Variants in KCNIP1 observed in about 807,000 individuals in gnomAD.
KCNIP1 encodes the protein potassium voltage-gated channel interacting protein 1, also known as A-type potassium channel modulatory protein KCNIP1.
A neutral mutation model predicts 33.0 loss-of-function variants in KCNIP1; 18 were observed. The observed-to-expected ratio is 0.55, with a 90% CI of 0.38 to 0.81. The LOEUF is 0.81. KCNIP1 is among the 30% of genes least tolerant of loss of function. The pLI is 0.00. For missense variants in KCNIP1, 238 were observed against 271.6 expected (o/e 0.88, Z 0.87); for synonymous variants, 93 against 98.3 (o/e 0.95, Z 0.32).
chr5:170,459,560 A>C (rs545123692), intron 1 of KCNIP1, among the ~76,000 whole-genome samples: 4 of 152,306 alleles, frequency 2.6e-5, no homozygotes, highest in Admixed American at 2.6e-4. Context: ...ATGCAAATAC[A>C]TGGAAATTAA....
intron 1 of KCNIP1, among the ~76,000 whole-genome samples, chr5:170,700,530 T>A (rs1351928788): frequency 6.6e-6 from 1 of 152,080 alleles, no homozygotes; most frequent in African/African-American, 2.4e-5. Context: ...GATTGCCCCA[T>A]TGCACTCCAT....
In KCNIP1 at chr5:170,675,329, A is replaced by T. The variant is rs1360393379; in HGVS notation, c.62-43429A>T. On this transcript the variant is annotated intron_variant, in intron 1 of 7. Coordinates refer to ENST00000328939, the MANE Select transcript of KCNIP1 (RefSeq NM_014592.4). ...ATATATATATATAAATAAATAAATAAAAATAAATGGCCAGGTGCAGTAGTT... is the reference window on the plus strand; with the variant it reads ...ATATATATATATAAATAAATAAATATAAATAAATGGCCAGGTGCAGTAGTT... Among the ~76,000 whole-genome samples the T allele has an allele frequency of 7.9e-5, 12 of 151,832 alleles. No homozygotes were observed. In the East Asian group the frequency reaches 1.9e-3, roughly 24 times the overall value.
chr5:170,572,083 G>A (rs1306614065), intron 1 of KCNIP1, among the ~76,000 whole-genome samples: 2 of 152,108 alleles, frequency 1.3e-5, no homozygotes, highest in African/African-American at 2.4e-5. Context: ...GAATGGAGGT[G>A]CACCGAGCCT....
At chr5:170,601,095 A>G (rs1007687266) in intron 1 of KCNIP1, among the ~76,000 whole-genome samples, 5 of 152,244 alleles carry the variant, frequency 3.3e-5, no homozygotes, top group African/African-American at 9.6e-5. Context: ...GATTCTAAAG[A>G]TTACAAACAC....
chr5:170,395,387 T>G (rs1754732808), intron 1 of KCNIP1, among the ~76,000 whole-genome samples: 1 of 152,244 alleles, frequency 6.6e-6, no homozygotes, highest in Non-Finnish European at 1.5e-5. Flanking sequence ...CTAGAAAGGC[T>G]ATACAGTTTT....
intron 1 of KCNIP1, among the ~76,000 whole-genome samples, chr5:170,390,517 A>AAAAAAAATATATATATATATATAT: frequency 2.7e-5 from 2 of 74,546 alleles, no homozygotes; most frequent in African/African-American, 6.4e-5. Context: ...AAAAAAAACA[A>AAAAAAAATATATATATATATATAT]ATATATATAT....
chr5:170,702,017 A>G (rs1325493616), intron 1 of KCNIP1, among the ~76,000 whole-genome samples: 2 of 152,224 alleles, frequency 1.3e-5, no homozygotes, highest in African/African-American at 2.4e-5. Context: ...GAACTTATTC[A>G]TGTAACCAAA....
At chr5:170,589,794 T>TGCGGTGCG (rs1554103000) in intron 1 of KCNIP1, among the ~76,000 whole-genome samples, 13,579 of 113,168 alleles carry the variant, frequency 0.12, 912 homozygotes, top group South Asian at 0.18. Flanking sequence ...TGTGATGTGG[T>TGCGGTGCG]GTGCGGTGCG....
At chr5:170,456,090 A>G (rs530797424) in intron 1 of KCNIP1, among the ~76,000 whole-genome samples, 73 of 152,384 alleles carry the variant, frequency 4.8e-4, no homozygotes, top group Middle Eastern at 3.4e-3. Flanking sequence ...CTGGACAAAG[A>G]AAATGTGGCA....
At chr5:170,701,685 C>A (rs1763105241) in intron 1 of KCNIP1, among the ~76,000 whole-genome samples, 1 of 152,210 alleles carries the variant, frequency 6.6e-6, no homozygotes, top group African/African-American at 2.4e-5. Context: ...AGCCCCAGGG[C>A]TCCCCCATGA....
At chr5:170,675,461 A>G (rs1156517069) in intron 1 of KCNIP1, among the ~76,000 whole-genome samples, 2 of 152,104 alleles carry the variant, frequency 1.3e-5, no homozygotes, top group Non-Finnish European at 2.9e-5. Context: ...CTCCTAAAAA[A>G]TACAAAAATA....
intron 1 of KCNIP1, among the ~76,000 whole-genome samples, chr5:170,439,295 TAAG>T (rs1755934225): frequency 6.6e-6 from 1 of 152,080 alleles, no homozygotes; most frequent in African/African-American, 2.4e-5. Context: ...CAGATGCAAA[TAAG>T]AAGGAAACTT....
chr5:170,454,007 G>T (rs112015944), intron 1 of KCNIP1, among the ~76,000 whole-genome samples: 281 of 152,316 alleles, frequency 1.8e-3, no homozygotes, highest in African/African-American at 6.5e-3. Flanking sequence ...GCTGAACCGT[G>T]TCCATTCTTC....
chr5:170,507,569 G>A (rs1303358143), intron 1 of KCNIP1, among the ~76,000 whole-genome samples: 1 of 152,194 alleles, frequency 6.6e-6, no homozygotes, highest in South Asian at 2.1e-4. Flanking sequence ...CCAGCACACA[G>A]ATGCTCGTCC....
intron 1 of KCNIP1, among the ~76,000 whole-genome samples, chr5:170,480,644 A>C (rs577230424): frequency 1.0e-3 from 155 of 152,076 alleles, no homozygotes; most frequent in Non-Finnish European, 1.8e-3. Flanking sequence ...GGGTCTCTCC[A>C]TATTTCACAG....
intron 1 of KCNIP1, among the ~76,000 whole-genome samples, chr5:170,369,789 T>C (rs1293866048): frequency 6.6e-6 from 1 of 152,228 alleles, no homozygotes; most frequent in Non-Finnish European, 1.5e-5. Flanking sequence ...GGGAAAGCAA[T>C]TTAATTTCCA....
chr5:170,724,001 A>G (rs781309741), intron 5 of KCNIP1, among the ~76,000 whole-genome samples: 4 of 152,200 alleles, frequency 2.6e-5, no homozygotes, highest in Non-Finnish European at 5.9e-5. Context: ...GCAGAGTCAG[A>G]TGGTGGAGGG....
intron 1 of KCNIP1, among the ~76,000 whole-genome samples, chr5:170,715,931 C>A (rs1763630779): frequency 2.0e-5 from 3 of 152,194 alleles, no homozygotes; most frequent in Non-Finnish European, 4.4e-5. Context: ...TCTCCTCCTG[C>A]ACACAGGGAA....
chr5:170,710,569 T>A (rs1026677755), intron 1 of KCNIP1, among the ~76,000 whole-genome samples: 1 of 152,226 alleles, frequency 6.6e-6, no homozygotes, highest in African/African-American at 2.4e-5. Flanking sequence ...TCTGGTTGAG[T>A]CTTCAGCTTC....
Sources: gnomAD v4.1 joint callset for allele counts (sites outside exome capture counted in the v4.1 genomes callset) on GRCh38, gnomAD v4.1.1 for gene constraint, MANE v1.5 for transcripts, NCBI Gene and HGNC (gene_info 2026-07-23, HGNC 2026-07-21) for gene names.